The following C2CD2 variants were observed in gnomAD, a reference collection of about 807,000 sequenced individuals.
The protein encoded by C2CD2 is C2 domain-containing protein 2.
Under a neutral mutation model 74.3 loss-of-function variants are expected in C2CD2, and 43 were observed. The observed-to-expected ratio is 0.58, with a 90% confidence interval of 0.45 to 0.75. The LOEUF is 0.75. Ranked by LOEUF, C2CD2 falls within the 30% of genes least tolerant of loss-of-function variation. The pLI is 0.00. For missense variants in C2CD2, 801 were observed against 916.3 expected (o/e 0.87, Z 1.63); for synonymous variants, 422 against 390.7 (o/e 1.08, Z -0.94).
chr21:41,922,669 T>C (rs1569074102), intron 2 of C2CD2, among the ~76,000 whole-genome samples: 1 of 150,590 alleles, frequency 6.6e-6, no homozygotes, highest in Non-Finnish European at 1.5e-5. Flanking sequence ...GAGACAAAGT[T>C]TCACCATGTT....
chr21:41,911,567 C>G (rs2065026299), intron 7 of C2CD2, among the ~76,000 whole-genome samples: 1 of 151,716 alleles, frequency 6.6e-6, no homozygotes, highest in African/African-American at 2.4e-5. Context: ...AATTTTTGTA[C>G]TTTTAGTAGA....
rs570727339 is a variant in C2CD2 at position 41,899,033 on chromosome 21, G to A, written c.1870+20C>T. On this transcript the variant is annotated intron_variant, in intron 13 of 13. Coordinates refer to ENST00000380486, the MANE Select transcript of C2CD2 (RefSeq NM_015500.2). This position sits in a 1 kb window ranked among gnomAD's most constrained non-coding sequence, Gnocchi z 4.4. Reference sequence around the variant, plus strand: ...GCCACCAAGTGGGGGGCCCGGGATGGGGGGCTCGGGAGCAGGTACCTTTAT... The same window carrying A: ...GCCACCAAGTGGGGGGCCCGGGATGAGGGGCTCGGGAGCAGGTACCTTTAT... 1.3e-5 allele frequency: 21 copies of A among 1,602,236 alleles called. No homozygotes were observed. Among genetic ancestry groups the A allele is most frequent in the Middle Eastern group, 1.9e-4 (1 of 5,354 alleles).
intron 2 of C2CD2, among the ~76,000 whole-genome samples, chr21:41,938,781 AC>A (rs1569080765): frequency 1.4e-5 from 2 of 138,652 alleles, no homozygotes; most frequent in African/African-American, 2.7e-5. Context: ...TCACTTTGTC[AC>A]CCAAGCTGGA....
chr21:41,918,336 T>C (rs2065116231), intron 4 of C2CD2, 109 bp from the exon 5 acceptor site: 39 of 983,908 alleles, frequency 4.0e-5, no homozygotes, highest in Non-Finnish European at 5.8e-5. Flanking sequence ...GGAAGGAAAT[T>C]ACCTTCAGAT....
rs1369564470 is a variant in C2CD2, at chr21:41,888,905, T to C, written c.*219A>G. 1 of 590,826 alleles carries C rather than the reference T, an allele frequency of 1.7e-6. No homozygotes were observed. The highest frequency in any genetic ancestry group is 2.8e-5 in the East Asian group (1 of 35,460). The allele number at this position is 590,826 out of a possible 1,614,324, so 36.6% of individuals were successfully genotyped here. ...AGCTCTGCAGCTGTCAAGTCTCATT[T>C]AGCATCTGGTGGCAAGTTGGGCTTT... On this transcript the variant is annotated 3_prime_UTR_variant, in exon 14 of 14. Coordinates refer to ENST00000380486, the MANE Select transcript of C2CD2 (RefSeq NM_015500.2).
In C2CD2 at chr21:41,903,683, G is replaced by A. The variant is rs551821257; in HGVS notation, c.1433-1934C>T. Among the ~76,000 whole-genome samples the A allele has an allele frequency of 5.2e-4, 79 of 152,262 alleles. 1 individual carries two copies. The highest frequency in any genetic ancestry group is 1.6e-3 in the African/African-American group (65 of 41,550). ...ACCAAGGGAGACGTGTCGGGAGCAC[G>A]TCCTCCTCACGCCAGGCCCAGTGCT... On this transcript the variant is annotated intron_variant, in intron 11 of 13. Coordinates refer to ENST00000380486, the MANE Select transcript of C2CD2 (RefSeq NM_015500.2). This position sits in a 1 kb window ranked among gnomAD's most constrained non-coding sequence, Gnocchi z 4.5.
intron 13 of C2CD2, among the ~76,000 whole-genome samples, chr21:41,889,723 T>TC (rs2064727810): frequency 6.6e-6 from 1 of 151,676 alleles, no homozygotes; most frequent in African/African-American, 2.4e-5. Context: ...AACCTCCACC[T>TC]CCAGGTTCAA....
chr21:41,888,551 C>T lies in C2CD2; in HGVS notation c.*573G>A, dbSNP rs927477180. On this transcript the variant is annotated 3_prime_UTR_variant, in exon 14 of 14. Coordinates refer to ENST00000380486, the MANE Select transcript of C2CD2 (RefSeq NM_015500.2). ...AGATGACTTCCTACATCTGTCGTAG[C>T]GTCTCCATTCTTATCAAAATTTCTC... 8 of 158,070 alleles carry T rather than the reference C, an allele frequency of 5.1e-5. No individual in the cohort carries two copies. In the South Asian group the frequency reaches 9.4e-4, roughly 19 times the overall value. The allele number at this position is 158,070 out of a possible 1,614,324, so 9.8% of individuals were successfully genotyped here. A position where few individuals can be genotyped will look rare whatever the true frequency, so the allele number is the denominator to read the frequency against.
chr21:41,914,549 AG>A lies in C2CD2; in HGVS notation c.844+48del, dbSNP rs376498921. 5.6e-4 allele frequency: 890 copies of A among 1,578,124 alleles called. 3 individuals are homozygous for A. In the African/African-American group the frequency reaches 0.011, roughly 19 times the overall value. Reference sequence around the variant, plus strand: ...CCCCCCGGAGCCCCCGACTCTGCTCAGGGGCTGGAAGAGCCCCTCCAGGCAG... The same window carrying A: ...CCCCCCGGAGCCCCCGACTCTGCTCAGGGCTGGAAGAGCCCCTCCAGGCAG... On this transcript the variant is annotated intron_variant, in intron 6 of 13. Transcript: ENST00000380486.
At chr21:41,901,289 G>C (rs1272130526) in intron 12 of C2CD2, 1 of 365,106 alleles carries the variant, frequency 2.7e-6, no homozygotes, top group Non-Finnish European at 5.1e-6. Context: ...CCCGTGACTG[G>C]GTGGTGACGA....
rs766906848 is a variant in C2CD2, at chr21:41,909,519, A to T, written c.958T>A (p.Leu320Met). 2.2e-5 allele frequency: 36 copies of T among 1,611,180 alleles called. No homozygotes were observed. The East Asian group carries it at 7.8e-4, about 35-fold the overall frequency. The change falls in exon 8 of 14, where the codon TTG (leucine) becomes ATG (methionine). Residue 320 changes from leucine to methionine, a missense_variant. Transcript: ENST00000380486. ...LMWEEEFTFE[L>M]NAKSKELHLQ... ...TGTAACTCCTTCGACTTGGCATTCA[A>T]CTCGCTTTGGAAGAGAAACAAGTTA...
Position 41,942,485 on chromosome 21 carries a change from A to G in C2CD2, c.280-240T>C, listed in dbSNP as rs140527631. On this transcript the variant is annotated intron_variant, in intron 1 of 13. Transcript: ENST00000380486. ...TTATGGGAGAAGGCTGGGAAAGGAC[A>G]GGAACCCGGGAGTAAACCTGAAGAT... Among the ~76,000 whole-genome samples the G allele has an allele frequency of 2.4e-3, 364 of 152,332 alleles. 4 individuals are homozygous for G. The highest frequency in any genetic ancestry group is 6.3e-3 in the African/African-American group (262 of 41,580).
intron 13 of C2CD2, among the ~76,000 whole-genome samples, 179 bp downstream of exon 13, chr21:41,898,874 A>G (rs1430074840): frequency 6.6e-6 from 1 of 152,196 alleles, no homozygotes; most frequent in Non-Finnish European, 1.5e-5. Context: ...GGACCGGCAG[A>G]TGCCCCACCA....
Position 41,899,035 on chromosome 21 carries a change from G to A in C2CD2, c.1870+18C>T. 6.2e-7 allele frequency: 1 copy of A among 1,604,334 alleles called. No individual in the cohort carries two copies. Among genetic ancestry groups the A allele is most frequent in the South Asian group, 1.1e-5 (1 of 90,782 alleles). The stretch of plus-strand genomic sequence containing the variant: ...CACCAAGTGGGGGGCCCGGGATGGG[G>A]GGCTCGGGAGCAGGTACCTTTATGC... On this transcript the variant is annotated intron_variant, in intron 13 of 13. Coordinates refer to ENST00000380486, the MANE Select transcript of C2CD2 (RefSeq NM_015500.2). This position sits in a 1 kb window ranked among gnomAD's most constrained non-coding sequence, Gnocchi z 4.4.
Position 41,953,706 on chromosome 21 carries a change from G to T in C2CD2, c.-58C>A. On this transcript the variant is annotated 5_prime_UTR_variant, in exon 1 of 14. Coordinates refer to ENST00000380486, the MANE Select transcript of C2CD2 (RefSeq NM_015500.2). ...CCCGGCAGCCCCGGGCCGGAACGGC[G>T]GACTCAGGACACGCGCTGGCTGCGG... The T allele has an allele frequency of 7.6e-7, 1 of 1,312,278 alleles. No homozygotes were observed. Among genetic ancestry groups the T allele is most frequent in the Non-Finnish European group, 9.7e-7 (1 of 1,032,796 alleles). 81.3% of individuals were successfully genotyped at this position (1,312,278 alleles called of 1,614,324 possible).
At chr21:41,900,551 C>T (rs1028227811) in intron 12 of C2CD2, among the ~76,000 whole-genome samples, 1 of 152,162 alleles carries the variant, frequency 6.6e-6, no homozygotes, top group African/African-American at 2.4e-5. Flanking sequence ...CAGGAAGCCC[C>T]CAAAACACCA....
chr21:41,912,764 C>G (rs373174006), intron 6 of C2CD2, among the ~76,000 whole-genome samples: 1 of 152,330 alleles, frequency 6.6e-6, no homozygotes, highest in South Asian at 2.1e-4. Flanking sequence ...GCTGGGATTA[C>G]AGGCATGAGC....
chr21:41,953,056 T>G (rs1229203381), intron 1 of C2CD2: 1 of 332,184 alleles, frequency 3.0e-6, no homozygotes. Context: ...GCCCCGGGAC[T>G]CCAGGCAAGG....
At position 41,892,773 on chromosome 21, in the gene C2CD2, CA is replaced by C. The variant is rs1385915026; in HGVS notation, c.1871-3430del. Among the ~76,000 whole-genome samples, 1 of 152,252 alleles carries C rather than the reference CA, an allele frequency of 6.6e-6. No homozygotes were observed. Among genetic ancestry groups the C allele is most frequent in the Non-Finnish European group, 1.5e-5 (1 of 68,036 alleles). On this transcript the variant is annotated intron_variant, in intron 13 of 13. Transcript: ENST00000380486. This position sits in a 1 kb window ranked among gnomAD's most constrained non-coding sequence, Gnocchi z 4.6. ...TAGAGCACTCGGAGGCCACAGCCGA[CA>C]ACGCAGGAGCAGGCCAGGGCCAAGG... is the stretch of plus-strand genomic sequence containing the variant.
Sources: allele counts gnomAD v4.1 joint callset (sites outside exome capture counted in the v4.1 genomes callset), GRCh38; gene constraint gnomAD v4.1.1; non-coding constraint Gnocchi (gnomAD v3.1); transcripts MANE v1.5; gene names NCBI Gene and HGNC (gene_info 2026-07-23, HGNC 2026-07-21).